Variants in SAMD12 observed in about 807,000 individuals in gnomAD.
SAMD12 encodes sterile alpha motif domain containing 12, also known as sterile alpha motif domain-containing protein 12.
A neutral mutation model predicts 15.0 loss-of-function variants in SAMD12; 9 were observed. The observed-to-expected ratio is 0.60, with a 90% CI of 0.36 to 1.05. The LOEUF is 1.05. SAMD12 is among the 50% of genes least tolerant of loss of function. SAMD12 has a pLI of 0.01. For missense variants in SAMD12, 230 were observed against 234.2 expected (o/e 0.98, Z 0.12); for synonymous variants, 86 against 90.1 (o/e 0.96, Z 0.25).
chr8:118,487,334 G>A (rs1824318803), intron 2 of SAMD12, among the ~76,000 whole-genome samples: 1 of 152,176 alleles, frequency 6.6e-6, no homozygotes, highest in African/African-American at 2.4e-5. Context: ...GAATTCAGGG[G>A]AAGGCACACT....
the SAMD12 span, among the ~76,000 whole-genome samples, chr8:118,180,375 G>A: frequency 6.6e-6 from 1 of 152,164 alleles, no homozygotes; most frequent in African/African-American, 2.4e-5. Flanking sequence ...CCAAAAATAT[G>A]TAATACAAAT....
rs1821647104 is a variant in SAMD12 at position 118,415,583 on chromosome 8, A to C, written c.322+24249T>G. ...AAAAGCGTGTAATTAATTGAAAAAGATTTATTTGACTACATGAGAATCTGG... is the reference window on the plus strand; with the variant it reads ...AAAAGCGTGTAATTAATTGAAAAAGCTTTATTTGACTACATGAGAATCTGG... On this transcript the variant is annotated intron_variant, in intron 3 of 3. Transcript: ENST00000314727. Among the ~76,000 whole-genome samples, 3 of 152,060 alleles carry C rather than the reference A, an allele frequency of 2.0e-5. 1 individual carries two copies. The South Asian group carries it at 6.2e-4, about 32-fold the overall frequency.
chr8:118,491,057 TA>T (rs1271755446), intron 2 of SAMD12, among the ~76,000 whole-genome samples: 2 of 152,094 alleles, frequency 1.3e-5, no homozygotes, highest in African/African-American at 4.8e-5. Flanking sequence ...ATAAAGCCCT[TA>T]ATGGAATGAA....
intron 2 of SAMD12, among the ~76,000 whole-genome samples, chr8:118,538,660 G>A (rs1825911157): frequency 6.6e-6 from 1 of 152,200 alleles, no homozygotes; most frequent in Non-Finnish European, 1.5e-5. Flanking sequence ...GGCAATTCAA[G>A]ACTGTCTTTC....
At chr8:118,514,221 A>T (rs4242585) in intron 2 of SAMD12, among the ~76,000 whole-genome samples, 34,461 of 152,122 alleles carry the variant, frequency 0.23, 4,117 homozygotes, top group South Asian at 0.41. Context: ...AAGTTCCCTA[A>T]GATGGGCTGA....
chr8:118,473,342 A>G (rs751441604), intron 2 of SAMD12, among the ~76,000 whole-genome samples: 1 of 152,156 alleles, frequency 6.6e-6, no homozygotes, highest in Non-Finnish European at 1.5e-5. Flanking sequence ...CCTAGTGAGT[A>G]CGCCATCTGT....
intron 4 of SAMD12, among the ~76,000 whole-genome samples, chr8:118,363,818 CCTTTT>C (rs1818626766): frequency 6.6e-6 from 1 of 152,148 alleles, no homozygotes; most frequent in Non-Finnish European, 1.5e-5. Flanking sequence ...CTTTGGGCCT[CCTTTT>C]CTTTATTTGT....
the SAMD12 span, among the ~76,000 whole-genome samples, chr8:118,147,650 G>A: frequency 4.3e-4 from 65 of 151,890 alleles, no homozygotes; most frequent in African/African-American, 1.3e-3. Flanking sequence ...ATGAGCCACC[G>A]TGCCCGGCCC....
At chr8:118,583,795 C>T (rs1323779022) in intron 1 of SAMD12, among the ~76,000 whole-genome samples, 1 of 152,174 alleles carries the variant, frequency 6.6e-6, no homozygotes, top group African/African-American at 2.4e-5. Context: ...CCTATGCTCC[C>T]TCATGCACAG....
chr8:118,316,369 CAAA>C (rs71307444), intron 4 of SAMD12, among the ~76,000 whole-genome samples: 18 of 114,144 alleles, frequency 1.6e-4, no homozygotes, highest in African/African-American at 6.4e-4. Context: ...CCCATGTCTA[CAAA>C]AAAAAAAAAA....
chr8:118,493,184 C>T (rs1387672270), intron 2 of SAMD12, among the ~76,000 whole-genome samples: 3 of 152,100 alleles, frequency 2.0e-5, no homozygotes, highest in Non-Finnish European at 4.4e-5. Context: ...CATTTTCTTC[C>T]CAGCTGACCA....
At chr8:118,151,403 A>G in the SAMD12 span, among the ~76,000 whole-genome samples, 1 of 152,176 alleles carries the variant, frequency 6.6e-6, no homozygotes, top group Admixed American at 6.5e-5. Context: ...TTACATTTAT[A>G]TTTAACTTGT....
At chr8:118,224,134 A>G (rs1396034880) in intron 4 of SAMD12, among the ~76,000 whole-genome samples, 1 of 152,234 alleles carries the variant, frequency 6.6e-6, no homozygotes, top group Non-Finnish European at 1.5e-5. Flanking sequence ...GGAAGTTGAT[A>G]GGTGCTGTTA....
chr8:118,403,631 C>T (rs1054526530), intron 3 of SAMD12, among the ~76,000 whole-genome samples: 2 of 152,090 alleles, frequency 1.3e-5, no homozygotes, highest in Non-Finnish European at 2.9e-5. Flanking sequence ...CTGCATTAAA[C>T]TAAAAACAAA....
At chr8:118,186,868 G>T (rs183806330), downstream of SAMD12, among the ~76,000 whole-genome samples, 50 of 152,178 alleles carry the variant, frequency 3.3e-4, no homozygotes, top group African/African-American at 1.2e-3. Context: ...TTTGGGTGGA[G>T]GATAATGAGG....
Position 118,543,631 on chromosome 8 carries a change from C to CTTTTTTTTTTTTTTTTTTTTTTTTTTTT in SAMD12, c.192+37083_192+37084insAAAAAAAAAAAAAAAAAAAAAAAAAAAA, listed in dbSNP as rs397978436. On this transcript the variant is annotated intron_variant, in intron 2 of 3. Coordinates refer to ENST00000314727, the MANE Select transcript of SAMD12 (RefSeq NM_207506.3). ...TTTTTTTTCTTTTCTTTCTTTCTTT[C>CTTTTTTTTTTTTTTTTTTTTTTTTTTTT]TTTTTTTTTTTTTTTTTAGCTCACC... 2.6e-5 allele frequency among the ~76,000 whole-genome samples: 3 copies of CTTTTTTTTTTTTTTTTTTTTTTTTTTTT among 116,632 alleles called. 1 individual carries two copies. Among genetic ancestry groups the CTTTTTTTTTTTTTTTTTTTTTTTTTTTT allele is most frequent in the African/African-American group, 1.1e-4 (3 of 27,510 alleles). 76.5% of individuals were successfully genotyped at this position (116,632 alleles called of 152,430 possible). A position where few individuals can be genotyped will look rare whatever the true frequency, so the allele number is the denominator to read the frequency against.
chr8:118,463,262 G>T (rs1823490163), intron 2 of SAMD12, among the ~76,000 whole-genome samples: 1 of 152,170 alleles, frequency 6.6e-6, no homozygotes, highest in African/African-American at 2.4e-5. Context: ...GGCTGACCCA[G>T]CAGTAGGGAA....
At chr8:118,218,032 G>A (rs1812002981) in intron 4 of SAMD12, among the ~76,000 whole-genome samples, 2 of 152,134 alleles carry the variant, frequency 1.3e-5, no homozygotes, top group African/African-American at 4.8e-5. Context: ...TGACTAGCAT[G>A]CAGCTCACAC....
chr8:118,588,770 G>A lies in SAMD12; in HGVS notation c.14-7877C>T, dbSNP rs148170910. On this transcript the variant is annotated intron_variant, in intron 1 of 3. Coordinates refer to ENST00000314727, the MANE Select transcript of SAMD12 (RefSeq NM_207506.3). ...CCTCCTTTACTCTAGCAACATCAAGGAAGAACTTATGGGTCTTTGCAGGAC... is the reference window on the plus strand; with the variant it reads ...CCTCCTTTACTCTAGCAACATCAAGAAAGAACTTATGGGTCTTTGCAGGAC... 1.3e-3 allele frequency among the ~76,000 whole-genome samples: 193 copies of A among 152,238 alleles called. 1 individual carries two copies. Among genetic ancestry groups the A allele is most frequent in the African/African-American group, 4.6e-3 (192 of 41,544 alleles).
Sources: allele counts gnomAD v4.1 joint callset (sites outside exome capture counted in the v4.1 genomes callset), GRCh38; gene constraint gnomAD v4.1.1; transcripts MANE v1.5; gene names NCBI Gene and HGNC (gene_info 2026-07-23, HGNC 2026-07-21).